The following ATP6V0A4 variants were observed in gnomAD, a reference collection of about 807,000 sequenced individuals.
ATP6V0A4 encodes ATPase H+ transporting V0 subunit a4.
A neutral mutation model predicts 107.3 loss-of-function variants in ATP6V0A4; 86 were observed. That is an observed-to-expected ratio of 0.80 (90% CI 0.67 to 0.96). The LOEUF (loss-of-function observed/expected upper bound fraction) is 0.96. Among genes scored for constraint, ATP6V0A4 ranks in the 40% least tolerant of loss-of-function variants. The pLI is 0.00. For missense variants in ATP6V0A4, 908 were observed against 1,045.6 expected, an observed-to-expected ratio of 0.87 and a Z score of 1.81; for synonymous variants, 353 against 381.4, an observed-to-expected ratio of 0.93 and a Z score of 0.87.
At chr7:138,720,351 T>C (rs1268518090) in intron 19 of ATP6V0A4, among the ~76,000 whole-genome samples, 3 of 152,058 alleles carry the variant, frequency 2.0e-5, no homozygotes, top group Admixed American at 2.0e-4. Context: ...GGTCCATGAA[T>C]GGTGACTAAA....
At chr7:138,708,200 C>T (rs1160152215) in intron 21 of ATP6V0A4, among the ~76,000 whole-genome samples, 8 of 151,906 alleles carry the variant, frequency 5.3e-5, no homozygotes, top group Non-Finnish European at 8.8e-5. Context: ...TACAGGCATG[C>T]GCCACCACCC....
intron 12 of ATP6V0A4, 70 bp from the exon 13 acceptor site, chr7:138,747,634 CCACAG>C (rs898123816): frequency 3.7e-5 from 59 of 1,589,024 alleles, no homozygotes; most frequent in Non-Finnish European, 4.8e-5. Context: ...AGATTCCCTG[CCACAG>C]CTCCACGATT....
intron 12 of ATP6V0A4, among the ~76,000 whole-genome samples, chr7:138,748,232 T>C (rs1806054651): frequency 6.6e-6 from 1 of 152,006 alleles, no homozygotes; most frequent in African/African-American, 2.4e-5. Context: ...ATCTTTTGTC[T>C]GTTTCCCCAC....
At chr7:138,720,636 A>C (rs1804380583) in intron 19 of ATP6V0A4, among the ~76,000 whole-genome samples, 1 of 150,650 alleles carries the variant, frequency 6.6e-6, no homozygotes, top group African/African-American at 2.4e-5. Context: ...CTAATTAATC[A>C]AGATAATTTT....
chr7:138,787,955 G>A (rs1356644942), intron 1 of ATP6V0A4, among the ~76,000 whole-genome samples: 3 of 152,064 alleles, frequency 2.0e-5, no homozygotes, highest in Admixed American at 1.3e-4. Context: ...AGTTGTGATT[G>A]CACCACTGCA....
Position 138,769,173 on chromosome 7 carries a change from G to T in ATP6V0A4, c.196C>A (p.Arg66Ser). Residue 66 changes from arginine (R) to serine (S), a missense_variant and splice_region_variant, in exon 4 of 22, where the codon CGT (arginine) becomes AGT (serine). Coordinates refer to ENST00000310018, the MANE Select transcript of ATP6V0A4 (RefSeq NM_020632.3). ...RRCESLERIL[R>S]FLEDEMQNEI... is the part of the protein sequence containing the mutation. The stretch of plus-strand genomic sequence containing the variant: ...AAAAAAAAAAAAAAAATTGGCTTAC[G>T]GAGGATTCTCTCCAGTGATTCACAC... 1 of 1,607,610 alleles carries T rather than the reference G, an allele frequency of 6.2e-7. No homozygotes were observed. Among genetic ancestry groups the T allele is most frequent in the Non-Finnish European group, 8.5e-7 (1 of 1,179,442 alleles).
intron 14 of ATP6V0A4, among the ~76,000 whole-genome samples, chr7:138,742,354 G>A (rs181273071): frequency 6.6e-6 from 1 of 152,198 alleles, no homozygotes; most frequent in East Asian, 1.9e-4. Context: ...TAGAACCCGG[G>A]AGGCAGACGT....
In ATP6V0A4 at chr7:138,745,215, C is replaced by T. The variant is rs374079735; in HGVS notation, c.1386G>A (p.Thr462=). The T allele has an allele frequency of 5.0e-6, 8 of 1,614,020 alleles. No individual in the cohort carries two copies. The highest frequency in any genetic ancestry group is 1.1e-5 in the South Asian group (1 of 91,090). The part of the protein sequence containing the change: ...ILLMGIFSIY[T]GLIYNDCFSK... ...AGAAGCAGTCATTGTAGATCAAACC[C>T]GTGTAGATGGAGAAGATGCCCATAA... The change falls in exon 14 of 22, where the codon ACG becomes ACA. Residue 462 remains threonine, a synonymous_variant. Transcript: ENST00000310018.
chr7:138,742,281 A>T (rs1805670379), intron 14 of ATP6V0A4, among the ~76,000 whole-genome samples: 1 of 151,770 alleles, frequency 6.6e-6, no homozygotes, highest in Admixed American at 6.6e-5. Flanking sequence ...ATAAAAATTC[A>T]CTGGGTGTAG....
intron 14 of ATP6V0A4, among the ~76,000 whole-genome samples, chr7:138,744,836 G>C (rs1322270904): frequency 6.6e-6 from 1 of 152,150 alleles, no homozygotes; most frequent in East Asian, 1.9e-4. Flanking sequence ...CCGAGTAGCT[G>C]AGATTCCAGG....
At chr7:138,759,976 C>A (rs1170622523) in intron 7 of ATP6V0A4, 98 bp from the exon 8 acceptor site, 6 of 1,596,402 alleles carry the variant, frequency 3.8e-6, no homozygotes, top group Middle Eastern at 3.9e-4. Context: ...AAAGGAAGGG[C>A]CATTCACTCT....
chr7:138,733,190 T>C (rs563601211), intron 16 of ATP6V0A4, 97 bp from the exon 17 acceptor site: 610 of 1,544,954 alleles, frequency 3.9e-4, no homozygotes, highest in Admixed American at 5.7e-4. Context: ...AAATGTTCTA[T>C]CTTTTTTTTT....
chr7:138,755,976 A>G, intron 9 of ATP6V0A4, 194 bp from the exon 10 acceptor site: 1 of 966,742 alleles, frequency 1.0e-6, no homozygotes, highest in Non-Finnish European at 1.5e-6. Flanking sequence ...CTGTGAATTG[A>G]GGCTGCAGTT....
At chr7:138,792,348 C>T (rs891215275) in intron 1 of ATP6V0A4, among the ~76,000 whole-genome samples, 10 of 152,054 alleles carry the variant, frequency 6.6e-5, no homozygotes, top group Admixed American at 5.9e-4. Flanking sequence ...GTGAAAGTGT[C>T]AATTAATATT....
chr7:138,726,010 G>C (rs528984529), intron 18 of ATP6V0A4, among the ~76,000 whole-genome samples: 1 of 140,358 alleles, frequency 7.1e-6, no homozygotes, highest in East Asian at 2.1e-4. Flanking sequence ...TATTTTTTGA[G>C]ACAGAGTCTC....
intron 1 of ATP6V0A4, among the ~76,000 whole-genome samples, chr7:138,795,331 C>T (rs1808606835): frequency 6.6e-6 from 1 of 152,092 alleles, no homozygotes. Flanking sequence ...AGGGCCAACA[C>T]ATTATCCCCC....
intron 12 of ATP6V0A4, among the ~76,000 whole-genome samples, chr7:138,748,650 A>G (rs1304903746): frequency 6.6e-6 from 1 of 151,604 alleles, no homozygotes; most frequent in African/African-American, 2.4e-5. Context: ...CAAGCGATCC[A>G]CCTCCTCCGC....
chr7:138,737,510 T>C (rs1362277239), intron 15 of ATP6V0A4, among the ~76,000 whole-genome samples: 1 of 151,354 alleles, frequency 6.6e-6, no homozygotes, highest in African/African-American at 2.4e-5. Flanking sequence ...TCTGTTAAAG[T>C]GGTTATCTCT....
chr7:138,707,068 ATGTGTG>A (rs10669320), intron 21 of ATP6V0A4, among the ~76,000 whole-genome samples: 26 of 90,084 alleles, frequency 2.9e-4, no homozygotes, highest in Middle Eastern at 5.0e-3. Flanking sequence ...GCTAATTTAT[ATGTGTG>A]TGTGTGTGTG....
Sources: allele counts gnomAD v4.1 joint callset (sites outside exome capture counted in the v4.1 genomes callset), GRCh38; gene constraint gnomAD v4.1.1; transcripts MANE v1.5; gene names NCBI Gene and HGNC (gene_info 2026-07-23, HGNC 2026-07-21).